THADA: variants seen among roughly 807,000 people sequenced by gnomAD.
THADA encodes tRNA (32-2'-O)-methyltransferase regulator THADA.
In THADA, 213 loss-of-function variants were observed where a neutral mutation model predicts 219.8. That is an observed-to-expected ratio of 0.97 (90% CI 0.87 to 1.09). The LOEUF is 1.09. Ranked by LOEUF, THADA falls within the 50% of genes least tolerant of loss-of-function variation. The pLI is 0.00. For synonymous variants in THADA, 1,018 were observed against 828.9 expected (o/e 1.23, Z -3.92); for missense variants, 2,956 against 2,311.3 (o/e 1.28, Z -5.72).
At chr2:43,270,417 G>T (rs905267122) in intron 36 of THADA, among the ~76,000 whole-genome samples, 16 of 152,156 alleles carry the variant, frequency 1.1e-4, no homozygotes, top group African/African-American at 3.9e-4. Context: ...TGGTATCTCA[G>T]CTCTGGTCCC....
intron 26 of THADA, among the ~76,000 whole-genome samples, chr2:43,483,709 A>G (rs1376530760): frequency 6.6e-6 from 1 of 151,782 alleles, no homozygotes; most frequent in Admixed American, 6.6e-5. Context: ...TACAACCTAA[A>G]TGAGGTTTTC....
chr2:43,449,485 T>G (rs1424616977), intron 26 of THADA, among the ~76,000 whole-genome samples: 1 of 152,108 alleles, frequency 6.6e-6, no homozygotes, highest in African/African-American at 2.4e-5. Context: ...AAACTCCAGA[T>G]AGGATAAACT....
At chr2:43,518,925 C>T (rs994074053) in intron 22 of THADA, among the ~76,000 whole-genome samples, 17 of 152,202 alleles carry the variant, frequency 1.1e-4, no homozygotes, top group African/African-American at 3.9e-4. Context: ...TGCTAATCTC[C>T]TGACCTGTAT....
intron 26 of THADA, among the ~76,000 whole-genome samples, chr2:43,449,339 G>A (rs936239594): frequency 6.6e-6 from 1 of 152,022 alleles, no homozygotes; most frequent in Non-Finnish European, 1.5e-5. Flanking sequence ...AACACCATCA[G>A]GTGAACAAAC....
chr2:43,566,250 G>A (rs1482934309), intron 15 of THADA: 3 of 483,284 alleles, frequency 6.2e-6, no homozygotes, highest in Non-Finnish European at 1.1e-5. Context: ...TCCTCATATT[G>A]TCTTTCCGAA....
At chr2:43,478,175 G>C (rs920588717) in intron 26 of THADA, among the ~76,000 whole-genome samples, 2 of 152,210 alleles carry the variant, frequency 1.3e-5, no homozygotes, top group Admixed American at 6.5e-5. Flanking sequence ...TCCATAAGGA[G>C]TATTCAATGA....
chr2:43,292,566 C>G (rs561283266), intron 32 of THADA, among the ~76,000 whole-genome samples: 6 of 152,318 alleles, frequency 3.9e-5, no homozygotes, highest in Admixed American at 1.3e-4. Flanking sequence ...GATCTGTTTC[C>G]TAAACATCCC....
Position 43,552,277 on chromosome 2 carries a change from G to A in THADA, c.2737C>T (p.Gln913Ter). 4 of 1,611,018 alleles carry A rather than the reference G, an allele frequency of 2.5e-6. No homozygotes were observed. The highest frequency in any genetic ancestry group is 1.1e-5 in the South Asian group (1 of 90,318). Residue 913 changes from glutamine (Q) to a stop codon, truncating the protein, a stop_gained, in exon 18 of 38, where the codon CAG becomes TAG. Coordinates refer to ENST00000405975, the MANE Select transcript of THADA (RefSeq NM_022065.5). LOFTEE classifies it high-confidence loss of function. ...EVSQAENSLLQAAAAFPMYGR... is the reference protein window; with the variant it reads ...EVSQAENSLL Reference sequence around the variant, plus strand: ...TACATTGGAAATGCTGCTGCTGCCTGAAGCAGAGAATTTTCAGCCTGAGAT... The same window carrying A: ...TACATTGGAAATGCTGCTGCTGCCTAAAGCAGAGAATTTTCAGCCTGAGAT...
intron 25 of THADA, among the ~76,000 whole-genome samples, chr2:43,493,248 G>T (rs1365142981): frequency 6.6e-6 from 1 of 152,204 alleles, no homozygotes; most frequent in Non-Finnish European, 1.5e-5. Flanking sequence ...TGTAATTCCA[G>T]CAATCTGGGA....
chr2:43,307,812 G>T (rs1024398187), intron 31 of THADA, among the ~76,000 whole-genome samples: 1 of 152,032 alleles, frequency 6.6e-6, no homozygotes, highest in African/African-American at 2.4e-5. Flanking sequence ...TTATAAGCAC[G>T]CAAAGAAGTG....
chr2:43,495,257 C>A (rs1011958114), intron 25 of THADA, among the ~76,000 whole-genome samples: 1 of 151,940 alleles, frequency 6.6e-6, no homozygotes, highest in Non-Finnish European at 1.5e-5. Context: ...TATTAAGTAA[C>A]AGTGTTGATC....
chr2:43,381,136 C>T (rs1052618493), intron 29 of THADA, among the ~76,000 whole-genome samples: 4 of 104,788 alleles, frequency 3.8e-5, no homozygotes, highest in Non-Finnish European at 8.3e-5. Flanking sequence ...GAAAAACAAA[C>T]AAACTGAAAG....
At chr2:43,350,951 G>C (rs1270880242) in intron 29 of THADA, among the ~76,000 whole-genome samples, 2 of 152,174 alleles carry the variant, frequency 1.3e-5, no homozygotes, top group East Asian at 1.9e-4. Context: ...AGAATCACAG[G>C]AAACAGGCCG....
At chr2:43,370,969 T>G (rs1670731413) in intron 29 of THADA, among the ~76,000 whole-genome samples, 1 of 152,154 alleles carries the variant, frequency 6.6e-6, no homozygotes, top group Non-Finnish European at 1.5e-5. Context: ...CAAGGTAAAC[T>G]CCACAGTAAC....
intron 31 of THADA, among the ~76,000 whole-genome samples, chr2:43,318,027 ATATTTTATTT>A (rs951856880): frequency 7.9e-5 from 12 of 152,124 alleles, no homozygotes; most frequent in Middle Eastern, 3.4e-3. Context: ...TCTAGTTGCC[ATATTTTATTT>A]TATTTTATTT....
rs147210429 is a variant in THADA, at chr2:43,503,204, C to A, written c.3621+2418G>T. On this transcript the variant is annotated intron_variant, in intron 24 of 37. Transcript: ENST00000405975. Reference sequence around the variant, plus strand: ...TGTACCCTACAACCCTGCAATTCTACTTCTAGGTATATAACCTGGAGAAAC... The same window carrying A: ...TGTACCCTACAACCCTGCAATTCTAATTCTAGGTATATAACCTGGAGAAAC... 2.4e-3 allele frequency among the ~76,000 whole-genome samples: 367 copies of A among 152,310 alleles called. 1 individual carries two copies. The highest frequency in any genetic ancestry group is 4.5e-3 in the Non-Finnish European group (306 of 68,028).
chr2:43,295,772 C>T (rs1003308633), intron 31 of THADA, among the ~76,000 whole-genome samples: 3 of 151,928 alleles, frequency 2.0e-5, no homozygotes, highest in Non-Finnish European at 4.4e-5. Context: ...TGCAATAATT[C>T]GAGATTTAAA....
At chr2:43,286,220 G>A (rs1425269398) in intron 35 of THADA, among the ~76,000 whole-genome samples, 4 of 152,184 alleles carry the variant, frequency 2.6e-5, no homozygotes, top group African/African-American at 4.8e-5. Flanking sequence ...CATAGGGCCC[G>A]TGTTAGGGAG....
intron 26 of THADA, chr2:43,484,440 G>A (rs1206475514): frequency 1.2e-5 from 2 of 169,038 alleles, no homozygotes; most frequent in Admixed American, 6.6e-5. Context: ...AAGACCACTG[G>A]GCCAAACTGG....
Sources: gnomAD v4.1 joint callset for allele counts (sites outside exome capture counted in the v4.1 genomes callset) on GRCh38, gnomAD v4.1.1 for gene constraint, MANE v1.5 for transcripts, NCBI Gene and HGNC (gene_info 2026-07-23, HGNC 2026-07-21) for gene names.